Variants in PLG observed in about 807,000 individuals in gnomAD.
PLG encodes plasmin.
Under a neutral mutation model 104.4 loss-of-function variants are expected in PLG, and 41 were observed. The ratio of observed to expected loss-of-function variants is 0.39; its 90% CI spans 0.31 to 0.51. The LOEUF (loss-of-function observed/expected upper bound fraction) is 0.51, where lower values mean the gene tolerates loss of function less well. Among genes scored for constraint, PLG ranks in the 20% least tolerant of loss-of-function variants. PLG has a pLI of 0.76. For missense variants in PLG, 891 were observed against 1,003.6 expected (o/e 0.89, Z 1.52); for synonymous variants, 337 against 357.1 (o/e 0.94, Z 0.63).
At chr6:160,733,235 A>G (rs1778028409) in intron 12 of PLG, among the ~76,000 whole-genome samples, 2 of 152,238 alleles carry the variant, frequency 1.3e-5, no homozygotes, top group African/African-American at 2.4e-5. Context: ...GTCTTGCCCC[A>G]TAGAGGGCGC....
At chr6:160,727,134 C>T (rs1777932787) in intron 10 of PLG, among the ~76,000 whole-genome samples, 1 of 151,388 alleles carries the variant, frequency 6.6e-6, no homozygotes, top group African/African-American at 2.4e-5. Context: ...AGCTAATAAA[C>T]AAATATTGAG....
chr6:160,705,110 G>A (rs1777493477), intron 1 of PLG, among the ~76,000 whole-genome samples: 2 of 152,104 alleles, frequency 1.3e-5, no homozygotes, highest in African/African-American at 2.4e-5. Context: ...AAGTGGTCAA[G>A]GTTGTCCTGT....
chr6:160,729,574 C>G (rs1053269570), intron 10 of PLG, among the ~76,000 whole-genome samples: 1 of 152,190 alleles, frequency 6.6e-6, no homozygotes, highest in African/African-American at 2.4e-5. Context: ...GACTGATCCT[C>G]TCAAATAGGA....
chr6:160,718,961 C>A, intron 9 of PLG, 123 bp downstream of exon 9: 1 of 855,580 alleles, frequency 1.2e-6, no homozygotes. Flanking sequence ...AGAAAGCCTG[C>A]CCTTATGATT....
intron 7 of PLG, 104 bp downstream of exon 7, chr6:160,716,867 C>G (rs868687511): frequency 7.6e-6 from 6 of 786,368 alleles, no homozygotes; most frequent in Non-Finnish European, 1.4e-5. Flanking sequence ...GAAAAGTGAC[C>G]TACAAGTCCT....
At chr6:160,745,905 G>T (rs1366667249) in intron 17 of PLG, among the ~76,000 whole-genome samples, 1 of 152,164 alleles carries the variant, frequency 6.6e-6, no homozygotes, top group Non-Finnish European at 1.5e-5. Context: ...TAGTTTGGCT[G>T]GATATGAAAT....
rs1778088799 is a variant in PLG, at chr6:160,736,823, C to G, written c.1682-64C>G. 6.2e-7 allele frequency: 1 copy of G among 1,604,550 alleles called. No homozygotes were observed. The highest frequency in any genetic ancestry group is 8.5e-7 in the Non-Finnish European group (1 of 1,172,874). ...AAAACTCAGTGCTTGGAATTTGTCT[C>G]GAATTACACCACAAAATTGCTACCT... On this transcript the variant is annotated intron_variant, in intron 13 of 18. Transcript: ENST00000308192. The surrounding 1 kb of genome is among the most constrained non-coding windows in gnomAD (Gnocchi z 5.2).
chr6:160,705,625 G>A (rs1180846407), intron 1 of PLG: 1 of 152,132 alleles, frequency 6.6e-6, no homozygotes, highest in Non-Finnish European at 1.5e-5. Flanking sequence ...ATTTAGTTCA[G>A]TTCTTGTTTA....
chr6:160,714,663 T>C, intron 5 of PLG, 131 bp from the exon 6 acceptor site: 1 of 769,438 alleles, frequency 1.3e-6, no homozygotes, highest in Non-Finnish European at 2.2e-6. Flanking sequence ...GCCAAGTGCC[T>C]GTTGTGAATT....
In PLG at chr6:160,732,022, A is replaced by T. The variant is rs1378097240; in HGVS notation, c.1587+129A>T. ...TAATGGGGGAGAGGGGACAGAAGAA[A>T]ATATTGGAAAGGCATCAGGGGGCTA... On this transcript the variant is annotated intron_variant, in intron 12 of 18. Coordinates refer to ENST00000308192, the MANE Select transcript of PLG (RefSeq NM_000301.5). The surrounding 1 kb of genome is among the most constrained non-coding windows in gnomAD (Gnocchi z 4.5). The T allele has an allele frequency of 8.2e-6, 8 of 974,638 alleles. No individual in the cohort carries two copies. Among genetic ancestry groups the T allele is most frequent in the Non-Finnish European group, 1.1e-5 (7 of 614,730 alleles). The allele number at this position is 974,638 out of a possible 1,614,324, so 60.4% of individuals were successfully genotyped here.
intron 5 of PLG, among the ~76,000 whole-genome samples, chr6:160,713,792 G>A (rs1264000309): frequency 1.3e-5 from 2 of 152,172 alleles, no homozygotes; most frequent in Admixed American, 6.5e-5. Context: ...AGCTAAGCAA[G>A]GAACCAGTTT....
rs1384240315 is a variant in PLG at position 160,725,772 on chromosome 6, TATC to T, written c.1256+3208_1256+3210del. 6.6e-6 allele frequency among the ~76,000 whole-genome samples: 1 copy of T among 152,150 alleles called. No homozygotes were observed. The highest frequency in any genetic ancestry group is 1.5e-5 in the Non-Finnish European group (1 of 68,008). ...CAAAAACCAAGTGTGGAAAATGACATATCATGAAAATAAGAATCAGAAGAAAGC... is the reference window on the plus strand; with the variant it reads ...CAAAAACCAAGTGTGGAAAATGACATATGAAAATAAGAATCAGAAGAAAGC... On this transcript the variant is annotated intron_variant, in intron 10 of 18. Coordinates refer to ENST00000308192, the MANE Select transcript of PLG (RefSeq NM_000301.5). This position sits in a 1 kb window ranked among gnomAD's most constrained non-coding sequence, Gnocchi z 6.3.
At position 160,716,645 on chromosome 6, in the gene PLG, A is replaced by G; in HGVS notation, c.669A>G (p.Lys223=). ...SPHAHGYIPS[K]FPNKNLKKNY... ...ACTAAAATCTTTCTTGTCCATTCAG[A>G]TTTCCAAACAAGAACCTGAAGAAGA... The change falls in exon 7 of 19, where the codon AAA becomes AAG. Residue 223 remains lysine (K), a splice_region_variant and synonymous_variant. Coordinates refer to ENST00000308192, the MANE Select transcript of PLG (RefSeq NM_000301.5). The G allele has an allele frequency of 6.4e-7, 1 of 1,570,824 alleles. No homozygotes were observed.
Position 160,738,944 on chromosome 6 carries a change from C to A in PLG, c.1878-124C>A. The A allele has an allele frequency of 8.8e-7, 1 of 1,135,272 alleles. No individual in the cohort carries two copies. Among genetic ancestry groups the A allele is most frequent in the Non-Finnish European group, 1.3e-6 (1 of 751,932 alleles). 70.3% of individuals were successfully genotyped at this position (1,135,272 alleles called of 1,614,324 possible). ...AGCAAATCATGAATTTTGCTTCTTG[C>A]CACTCAGAAGTCACTAATTCTGAGT... is the stretch of plus-strand genomic sequence containing the variant. On this transcript the variant is annotated intron_variant, in intron 15 of 18. Transcript: ENST00000308192. The surrounding 1 kb of genome is among the most constrained non-coding windows in gnomAD (Gnocchi z 6.8).
chr6:160,723,039 G>A lies in PLG; in HGVS notation c.1256+472G>A, dbSNP rs1777862448. ...TACACACATATATATGTATACATAT[G>A]TGTGCATATATAAATACACACATAT... On this transcript the variant is annotated intron_variant, in intron 10 of 18. Coordinates refer to ENST00000308192, the MANE Select transcript of PLG (RefSeq NM_000301.5). The surrounding 1 kb of genome is among the most constrained non-coding windows in gnomAD (Gnocchi z 4.7). Among the ~76,000 whole-genome samples, 1 of 146,528 alleles carries A rather than the reference G, an allele frequency of 6.8e-6. No homozygotes were observed. Among genetic ancestry groups the A allele is most frequent in the Non-Finnish European group, 1.5e-5 (1 of 67,744 alleles).
Position 160,738,640 on chromosome 6 carries a change from G to A in PLG, c.1877+28G>A. On this transcript the variant is annotated intron_variant, in intron 15 of 18. Coordinates refer to ENST00000308192, the MANE Select transcript of PLG (RefSeq NM_000301.5). This position sits in a 1 kb window ranked among gnomAD's most constrained non-coding sequence, Gnocchi z 6.8. ...ATGTTTAGGGGACAATTGACATGAA[G>A]TCTTGTCTTAAATACTTTTTCTGTC... 1 of 1,407,624 alleles carries A rather than the reference G, an allele frequency of 7.1e-7. No individual in the cohort carries two copies. Among genetic ancestry groups the A allele is most frequent in the Admixed American group, 1.7e-5 (1 of 59,764 alleles). The allele number at this position is 1,407,624 out of a possible 1,614,324, so 87.2% of individuals were successfully genotyped here.
rs1562376759 is a variant in PLG at position 160,725,082 on chromosome 6, G to GATTA, written c.1256+2515_1256+2516insATTA. 1.1e-4 allele frequency among the ~76,000 whole-genome samples: 16 copies of GATTA among 152,226 alleles called. No individual in the cohort carries two copies. Among genetic ancestry groups the GATTA allele is most frequent in the African/African-American group, 3.9e-4 (16 of 41,538 alleles). ...ATACAAAAATTAGCTGGGCATGGTG[G>GATTA]CACGTGCCTGTAATCCCAGCAACTC... is the stretch of plus-strand genomic sequence containing the variant. On this transcript the variant is annotated intron_variant, in intron 10 of 18. Coordinates refer to ENST00000308192, the MANE Select transcript of PLG (RefSeq NM_000301.5). This position sits in a 1 kb window ranked among gnomAD's most constrained non-coding sequence, Gnocchi z 6.3.
chr6:160,715,936 C>G (rs1382333114), intron 6 of PLG, among the ~76,000 whole-genome samples: 1 of 152,218 alleles, frequency 6.6e-6, no homozygotes, highest in Non-Finnish European at 1.5e-5. Context: ...AGAGGGCCAC[C>G]AGGCATGGAG....
At chr6:160,729,627 A>C (rs970451230) in intron 10 of PLG, among the ~76,000 whole-genome samples, 1 of 152,250 alleles carries the variant, frequency 6.6e-6, no homozygotes, top group African/African-American at 2.4e-5. Context: ...AGGCAGATAC[A>C]TAAGTGTACA....
Sources: allele counts gnomAD v4.1 joint callset (sites outside exome capture counted in the v4.1 genomes callset), GRCh38; gene constraint gnomAD v4.1.1; non-coding constraint Gnocchi (gnomAD v3.1); transcripts MANE v1.5; gene names NCBI Gene and HGNC (gene_info 2026-07-23, HGNC 2026-07-21).